Variants in GRID2 observed in about 807,000 individuals in gnomAD.
The protein encoded by GRID2 is glutamate receptor ionotropic, delta-2.
Under a neutral mutation model 114.8 loss-of-function variants are expected in GRID2, and 33 were observed. The ratio of observed to expected loss-of-function variants is 0.29; its 90% CI spans 0.22 to 0.38. The LOEUF is 0.38. GRID2 is among the 10% of genes least tolerant of loss of function. The pLI is 1.00. For synonymous variants in GRID2, 505 were observed against 449.9 expected (o/e 1.12, Z -1.55); for missense variants, 1,184 against 1,257.7 (o/e 0.94, Z 0.89).
At chr4:93,354,388 A>G (rs1449157340) in intron 8 of GRID2, among the ~76,000 whole-genome samples, 2 of 152,092 alleles carry the variant, frequency 1.3e-5, no homozygotes, top group Non-Finnish European at 2.9e-5. Context: ...CACAGAAGCT[A>G]AGAATGACAG....
chr4:92,403,707 A>G lies in GRID2; in HGVS notation c.88+98963A>G, dbSNP rs199567618. On this transcript the variant is annotated intron_variant, in intron 1 of 15. Transcript: ENST00000282020. ...ACTCCATCTCAAAAATAAATAAATA[A>G]ATAAATAAATAAATAAATAAATAAA... 1.5e-3 allele frequency among the ~76,000 whole-genome samples: 199 copies of G among 136,610 alleles called. 1 individual carries two copies. The highest frequency in any genetic ancestry group is 3.9e-3 in the African/African-American group (145 of 37,164). The allele number at this position is 136,610 out of a possible 152,430, so 89.6% of individuals were successfully genotyped here. A position where few individuals can be genotyped will look rare whatever the true frequency, so the allele number is the denominator to read the frequency against.
chr4:92,898,484 T>A (rs924927966), intron 2 of GRID2, among the ~76,000 whole-genome samples: 3 of 152,120 alleles, frequency 2.0e-5, no homozygotes, highest in African/African-American at 7.2e-5. Flanking sequence ...TATTCTTGTC[T>A]CTTCAAAGTC....
At chr4:93,210,880 TTTTTGTTTTTA>T (rs1232049509) in intron 5 of GRID2, among the ~76,000 whole-genome samples, 2 of 152,084 alleles carry the variant, frequency 1.3e-5, no homozygotes, top group Admixed American at 6.6e-5. Flanking sequence ...TTCTTCTAAT[TTTTTGTTTTTA>T]TTTCACATCC....
chr4:93,758,838 TCGTTG>T (rs1242757018), intron 14 of GRID2, among the ~76,000 whole-genome samples: 2 of 152,200 alleles, frequency 1.3e-5, no homozygotes, highest in African/African-American at 4.8e-5. Context: ...ACAGAGATGA[TCGTTG>T]CCAGTTTCTC....
intron 4 of GRID2, among the ~76,000 whole-genome samples, chr4:93,173,426 G>A (rs1317839736): frequency 6.6e-6 from 1 of 151,086 alleles, no homozygotes; most frequent in East Asian, 1.9e-4. Flanking sequence ...AAGGAAGGAA[G>A]GAAAGAAGAA....
intron 14 of GRID2, among the ~76,000 whole-genome samples, chr4:93,658,014 A>G (rs763249221): frequency 3.9e-5 from 6 of 152,190 alleles, no homozygotes; most frequent in Non-Finnish European, 7.3e-5. Flanking sequence ...TTCTACTTCC[A>G]TTGGGATCCT....
At chr4:93,459,435 A>G (rs1015168616) in intron 11 of GRID2, among the ~76,000 whole-genome samples, 1 of 152,062 alleles carries the variant, frequency 6.6e-6, no homozygotes, top group African/African-American at 2.4e-5. Flanking sequence ...TGAGAGATAA[A>G]GGGTTAGGTG....
At chr4:93,188,006 C>T (rs763581488) in intron 4 of GRID2, among the ~76,000 whole-genome samples, 7 of 151,236 alleles carry the variant, frequency 4.6e-5, no homozygotes, top group Admixed American at 1.3e-4. Context: ...ACAGGGTTTG[C>T]GGAATGCAAC....
intron 8 of GRID2, among the ~76,000 whole-genome samples, chr4:93,373,034 A>C (rs181945957): frequency 6.6e-6 from 1 of 152,220 alleles, no homozygotes; most frequent in Non-Finnish European, 1.5e-5. Context: ...TCACTTTAAA[A>C]GTCTCAGTCT....
chr4:93,085,226 T>C lies in GRID2; in HGVS notation c.476T>C (p.Val159Ala), dbSNP rs1414342952. Residue 159 changes from valine to alanine, a missense_variant, in exon 3 of 16, where the codon GTG becomes GCG. By Grantham distance (64) the Val-to-Ala change is moderately conservative. Transcript: ENST00000282020. ...TACTTGCATGATGTTATCCTAAGAG[T>C]GGTCACAGAGTATGCCTGGCAGAAA... ...PVYLHDVILR[V>A]VTEYAWQKFI... 1.2e-6 allele frequency: 2 copies of C among 1,613,308 alleles called. No individual in the cohort carries two copies. Among genetic ancestry groups the C allele is most frequent in the African/African-American group, 1.3e-5 (1 of 74,884 alleles).
chr4:92,518,631 A>G (rs369057729), intron 1 of GRID2, among the ~76,000 whole-genome samples: 4 of 151,948 alleles, frequency 2.6e-5, no homozygotes, highest in East Asian at 3.9e-4. Context: ...TTTTTTCACA[A>G]CAATGGGAAT....
chr4:93,643,992 C>T lies in GRID2; in HGVS notation c.2360+17557C>T, dbSNP rs1451533460. Among the ~76,000 whole-genome samples the T allele has an allele frequency of 4.1e-5, 4 of 97,186 alleles. 1 individual carries two copies. Among genetic ancestry groups the T allele is most frequent in the Non-Finnish European group, 8.1e-5 (4 of 49,642 alleles). 63.8% of individuals were successfully genotyped at this position (97,186 alleles called of 152,430 possible). On this transcript the variant is annotated intron_variant, in intron 14 of 15. Transcript: ENST00000282020. The stretch of plus-strand genomic sequence containing the variant: ...TCCGTGGGCGTAGGACCCTCCGAGC[C>T]AGGTGTGGGATATAGTCTCGTGGTG...
intron 2 of GRID2, among the ~76,000 whole-genome samples, chr4:92,919,670 G>C (rs540376411): frequency 3.3e-5 from 5 of 152,288 alleles, no homozygotes; most frequent in African/African-American, 1.2e-4. Flanking sequence ...TTTTGAGTGA[G>C]TTTCTTAATC....
chr4:93,231,522 G>GA (rs1321325088), intron 7 of GRID2, among the ~76,000 whole-genome samples: 1 of 152,006 alleles, frequency 6.6e-6, no homozygotes, highest in African/African-American at 2.4e-5. Flanking sequence ...GAATCTTAGA[G>GA]AAGAGTGTAA....
intron 13 of GRID2, among the ~76,000 whole-genome samples, chr4:93,550,477 A>G (rs968641682): frequency 1.3e-5 from 2 of 152,222 alleles, no homozygotes; most frequent in South Asian, 2.1e-4. Context: ...CCCTTTGATC[A>G]GCAACATTTA....
rs374233106 is a variant in GRID2 at position 93,197,292 on chromosome 4, A to G, written c.736-10112A>G. ...AAATTTTGTAGAACATATCTTTACT[A>G]ATTATTAACTCTTGCATCCACTCCT... On this transcript the variant is annotated intron_variant, in intron 4 of 15. Coordinates refer to ENST00000282020, the MANE Select transcript of GRID2 (RefSeq NM_001510.4). 2.1e-4 allele frequency among the ~76,000 whole-genome samples: 32 copies of G among 152,278 alleles called. No individual in the cohort carries two copies. The East Asian group carries it at 4.8e-3, about 23-fold the overall frequency.
intron 4 of GRID2, among the ~76,000 whole-genome samples, chr4:93,113,122 T>C (rs1478725649): frequency 6.6e-6 from 1 of 152,220 alleles, no homozygotes; most frequent in African/African-American, 2.4e-5. Context: ...ATTTGGATCC[T>C]GTAAAATTTG....
chr4:93,552,018 T>C (rs1733799924), intron 13 of GRID2, among the ~76,000 whole-genome samples: 1 of 148,728 alleles, frequency 6.7e-6, no homozygotes, highest in South Asian at 2.2e-4. Flanking sequence ...CTCCTAATGC[T>C]ATCCCTCCCC....
At chr4:93,231,472 CA>C (rs899614494) in intron 7 of GRID2, among the ~76,000 whole-genome samples, 1 of 147,674 alleles carries the variant, frequency 6.8e-6, no homozygotes, top group African/African-American at 2.5e-5. Flanking sequence ...AGGCCAGAAA[CA>C]ACAAAAAGAC....
Sources: gnomAD v4.1 joint callset for allele counts (sites outside exome capture counted in the v4.1 genomes callset) on GRCh38, gnomAD v4.1.1 for gene constraint, MANE v1.5 for transcripts, NCBI Gene and HGNC (gene_info 2026-07-23, HGNC 2026-07-21) for gene names.